The following LPXN variants were observed in gnomAD, a reference collection of about 807,000 sequenced individuals.
LPXN encodes leupaxin.
Under a neutral mutation model 45.6 loss-of-function variants are expected in LPXN, and 28 were observed. That is an observed-to-expected ratio of 0.61 (90% CI 0.45 to 0.84). LPXN has a LOEUF of 0.84. Ranked by LOEUF, LPXN falls within the 40% of genes least tolerant of loss-of-function variation. The pLI is 0.00. For missense variants in LPXN, 459 were observed against 475.0 expected, an observed-to-expected ratio of 0.97 and a Z score of 0.31; for synonymous variants, 166 against 169.9, an observed-to-expected ratio of 0.98 and a Z score of 0.18.
intron 1 of LPXN, among the ~76,000 whole-genome samples, chr11:58,574,540 A>T (rs1288010311): frequency 6.6e-6 from 1 of 152,100 alleles, no homozygotes; most frequent in Non-Finnish European, 1.5e-5. Context: ...ATTATTTGCC[A>T]TGAAAGCCTT....
intron 3 of LPXN, among the ~76,000 whole-genome samples, chr11:58,563,070 C>T (rs748127522): frequency 1.6e-4 from 24 of 152,188 alleles, no homozygotes; most frequent in Non-Finnish European, 2.5e-4. Context: ...GATATACAGG[C>T]TGTTGGTTGG....
chr11:58,531,103 C>A (rs1853373900), intron 7 of LPXN, among the ~76,000 whole-genome samples: 1 of 152,006 alleles, frequency 6.6e-6, no homozygotes, highest in Admixed American at 6.5e-5. Context: ...GGGGAGAAAC[C>A]AATGCAAAAA....
Position 58,527,155 on chromosome 11 carries a change from A to G in LPXN, c.*299T>C. On this transcript the variant is annotated 3_prime_UTR_variant, in exon 9 of 9. Transcript: ENST00000395074. The stretch of plus-strand genomic sequence containing the variant: ...AAGAAAACCAGTGTTGGCATGAATT[A>G]TGCAAGTGGAAAATACATCTGTAGA... The G allele has an allele frequency of 1.1e-5, 3 of 281,592 alleles. No individual in the cohort carries two copies. The highest frequency in any genetic ancestry group is 1.2e-4 in the South Asian group (2 of 17,190). 17.4% of individuals were successfully genotyped at this position (281,592 alleles called of 1,614,324 possible).
At chr11:58,530,499 AT>A (rs1259139704) in intron 7 of LPXN, among the ~76,000 whole-genome samples, 1 of 152,192 alleles carries the variant, frequency 6.6e-6, no homozygotes, top group Non-Finnish European at 1.5e-5. Context: ...GCCTCTCTAG[AT>A]TCCTCTTTTC....
At chr11:58,563,777 T>C (rs1854449068) in intron 3 of LPXN, among the ~76,000 whole-genome samples, 1 of 152,228 alleles carries the variant, frequency 6.6e-6, no homozygotes, top group Non-Finnish European at 1.5e-5. Flanking sequence ...TTAACCCTCA[T>C]CCTAGCTCTG....
At chr11:58,574,386 TTTTG>T (rs1222242753) in intron 1 of LPXN, among the ~76,000 whole-genome samples, 1 of 152,206 alleles carries the variant, frequency 6.6e-6, no homozygotes, top group Non-Finnish European at 1.5e-5. Context: ...GAAAAAGTTA[TTTTG>T]TTTTTCTTAG....
In LPXN at chr11:58,533,634, C is replaced by T. The variant is rs189899467; in HGVS notation, c.743-5443G>A. On this transcript the variant is annotated intron_variant, in intron 7 of 8. Transcript: ENST00000395074. ...CATAACAGTTCTTCAAAATAACCAG[C>T]TAGCATCATAATTACCAGATCAAAT... Among the ~76,000 whole-genome samples the T allele has an allele frequency of 1.4e-4, 22 of 152,304 alleles. No individual in the cohort carries two copies. In the East Asian group the frequency reaches 3.3e-3, roughly 23 times the overall value.
At chr11:58,571,868 C>T (rs902087129) in intron 1 of LPXN, among the ~76,000 whole-genome samples, 6 of 152,198 alleles carry the variant, frequency 3.9e-5, no homozygotes, top group East Asian at 1.9e-4. Context: ...TTTGCTTAAG[C>T]GCATGAATGC....
intron 1 of LPXN, among the ~76,000 whole-genome samples, chr11:58,572,379 A>T (rs923461082): frequency 6.6e-6 from 1 of 152,136 alleles, no homozygotes; most frequent in Non-Finnish European, 1.5e-5. Flanking sequence ...AGAGATAAGC[A>T]AACTGAACTA....
chr11:58,550,065 A>G lies in LPXN; in HGVS notation c.568T>C (p.Phe190Leu). 1 of 1,614,208 alleles carries G rather than the reference A, an allele frequency of 6.2e-7. No homozygotes were observed. The highest frequency in any genetic ancestry group is 8.5e-7 in the Non-Finnish European group (1 of 1,180,028). Residue 190 changes from phenylalanine (F) to leucine (L), a missense_variant, in exon 6 of 9, where the codon TTC becomes CTC. Transcript: ENST00000395074. ...HCKEEIGSSP[F>L]FERSGLAYCP... ...TAGGCCAAGCCACTCCGCTCAAAGA[A>G]GGGACTGGAGCCAATCTCTTCTTTG... is the stretch of plus-strand genomic sequence containing the variant.
intron 7 of LPXN, among the ~76,000 whole-genome samples, chr11:58,544,904 T>G (rs886127504): frequency 6.6e-6 from 1 of 152,182 alleles, no homozygotes. Flanking sequence ...ACTTGAGCCT[T>G]AAAGAGGAAT....
chr11:58,575,698 C>T (rs954283538), intron 1 of LPXN, 62 bp downstream of exon 1: 46 of 1,588,116 alleles, frequency 2.9e-5, no homozygotes, highest in Non-Finnish European at 8.6e-6. Flanking sequence ...TACCCCACCA[C>T]ACAAGGAGAT....
chr11:58,569,636 C>T (rs539726308), intron 2 of LPXN, among the ~76,000 whole-genome samples: 3 of 152,104 alleles, frequency 2.0e-5, no homozygotes, highest in Admixed American at 6.5e-5. Flanking sequence ...GTGATCCCCC[C>T]GCCTCAGCCT....
chr11:58,529,848 T>C (rs1021302193), intron 7 of LPXN, among the ~76,000 whole-genome samples: 19 of 152,068 alleles, frequency 1.2e-4, no homozygotes, highest in African/African-American at 3.9e-4. Context: ...GTTCATCTCA[T>C]TGAGACTGAT....
intron 1 of LPXN, 36 bp from the exon 2 acceptor site, chr11:58,570,749 A>G (rs1195323114): frequency 6.5e-7 from 1 of 1,533,830 alleles, no homozygotes; most frequent in Non-Finnish European, 8.9e-7. Flanking sequence ...ATGACAGAGA[A>G]TATTTAAATC....
chr11:58,527,612 G>C lies in LPXN; in HGVS notation c.1003C>G (p.Pro335Ala). ...RGTLCHGCGQ[P>A]ITGRCISAMG... ...GCACTGATACAACGGCCAGTGATGG[G>C]CTGCCCACACCCATGGCAGAGCGTT... The change falls in exon 9 of 9, where the codon CCC becomes GCC. Residue 335 changes from proline to alanine, a missense_variant. By Grantham distance (27) the Pro-to-Ala change is conservative. Coordinates refer to ENST00000395074, the MANE Select transcript of LPXN (RefSeq NM_004811.3). 6.2e-7 allele frequency: 1 copy of C among 1,614,210 alleles called. No homozygotes were observed. The highest frequency in any genetic ancestry group is 8.5e-7 in the Non-Finnish European group (1 of 1,180,038).
At chr11:58,558,928 A>G (rs1225814556) in intron 3 of LPXN, among the ~76,000 whole-genome samples, 4 of 151,996 alleles carry the variant, frequency 2.6e-5, no homozygotes, top group African/African-American at 9.6e-5. Context: ...AAATATTGAT[A>G]CAGCTAAGTT....
At chr11:58,552,090 A>T (rs887734205) in intron 4 of LPXN, among the ~76,000 whole-genome samples, 2 of 152,204 alleles carry the variant, frequency 1.3e-5, no homozygotes, top group African/African-American at 4.8e-5. Flanking sequence ...GCAGGATTTC[A>T]AGCACAGGAG....
upstream of LPXN, chr11:58,577,880 T>G: frequency 9.7e-7 from 1 of 1,033,514 alleles, no homozygotes; most frequent in Non-Finnish European, 1.4e-6. Context: ...GAAAAGCAAC[T>G]TTATAATTCG....
Sources: allele counts gnomAD v4.1 joint callset (sites outside exome capture counted in the v4.1 genomes callset), GRCh38; gene constraint gnomAD v4.1.1; transcripts MANE v1.5; gene names NCBI Gene and HGNC (gene_info 2026-07-23, HGNC 2026-07-21).